The following CTIF variants were observed in gnomAD, a reference collection of about 807,000 sequenced individuals.
The protein encoded by CTIF is CBP80/20-dependent translation initiation factor.
Under a neutral mutation model 66.0 loss-of-function variants are expected in CTIF, and 21 were observed. The observed-to-expected ratio is 0.32, with a 90% CI of 0.23 to 0.46. CTIF has a LOEUF of 0.46. CTIF is among the 20% of genes least tolerant of loss of function. The pLI is 1.00. For missense variants in CTIF, 739 were observed against 812.7 expected, an observed-to-expected ratio of 0.91 and a Z score of 1.10; for synonymous variants, 345 against 326.4, an observed-to-expected ratio of 1.06 and a Z score of -0.62.
chr18:48,636,398 T>G (rs1200785516), intron 2 of CTIF, among the ~76,000 whole-genome samples: 1 of 152,240 alleles, frequency 6.6e-6, no homozygotes, highest in African/African-American at 2.4e-5. Flanking sequence ...GAAGTGAGTT[T>G]GCCTCCCCCA....
At chr18:48,799,392 G>A (rs918770816) in intron 9 of CTIF, among the ~76,000 whole-genome samples, 1 of 152,096 alleles carries the variant, frequency 6.6e-6, no homozygotes, top group Non-Finnish European at 1.5e-5. Flanking sequence ...TGGATTTCTG[G>A]TCTTTCACTA....
At chr18:48,660,383 A>G (rs1369464249) in intron 3 of CTIF, among the ~76,000 whole-genome samples, 1 of 152,266 alleles carries the variant, frequency 6.6e-6, no homozygotes, top group South Asian at 2.1e-4. Flanking sequence ...CCCAACATGG[A>G]GATGGCAGCA....
At chr18:48,799,500 C>T (rs1400796158) in intron 9 of CTIF, among the ~76,000 whole-genome samples, 2 of 152,094 alleles carry the variant, frequency 1.3e-5, no homozygotes, top group Non-Finnish European at 2.9e-5. Flanking sequence ...TCTGGGGACA[C>T]TGGCATGGGA....
chr18:48,577,165 G>A (rs1318354821), intron 1 of CTIF, among the ~76,000 whole-genome samples: 6 of 152,242 alleles, frequency 3.9e-5, no homozygotes, highest in Non-Finnish European at 4.4e-5. Flanking sequence ...CACCTGAGGC[G>A]GGGAGTTTGG....
intron 3 of CTIF, among the ~76,000 whole-genome samples, chr18:48,660,059 G>A (rs934807323): frequency 1.3e-5 from 2 of 148,810 alleles, no homozygotes; most frequent in African/African-American, 2.5e-5. Flanking sequence ...TTGCCACCGT[G>A]ACTCCACCAC....
At chr18:48,639,236 G>A (rs1382559458) in intron 3 of CTIF, among the ~76,000 whole-genome samples, 1 of 152,218 alleles carries the variant, frequency 6.6e-6, no homozygotes, top group African/African-American at 2.4e-5. Flanking sequence ...TACAGCCACG[G>A]AAACCTCTGA....
At chr18:48,710,281 C>G (rs1040725593) in intron 6 of CTIF, among the ~76,000 whole-genome samples, 6 of 152,182 alleles carry the variant, frequency 3.9e-5, no homozygotes, top group Non-Finnish European at 8.8e-5. Context: ...CAGAATAGAC[C>G]CCCTCTGACT....
intron 7 of CTIF, among the ~76,000 whole-genome samples, chr18:48,716,040 G>C (rs537285321): frequency 1.3e-5 from 2 of 152,340 alleles, no homozygotes; most frequent in South Asian, 4.1e-4. Context: ...TGTCCTAGGG[G>C]TTGGCAGCTG....
chr18:48,637,746 GAC>G (rs2090850399), intron 3 of CTIF, among the ~76,000 whole-genome samples: 2 of 152,136 alleles, frequency 1.3e-5, no homozygotes, highest in South Asian at 4.2e-4. Flanking sequence ...TCTTTCACGT[GAC>G]AAAATGTGCT....
chr18:48,650,252 T>C (rs986869031), intron 3 of CTIF, among the ~76,000 whole-genome samples: 12 of 152,172 alleles, frequency 7.9e-5, no homozygotes, highest in Non-Finnish European at 1.8e-4. Flanking sequence ...GACAAATGGC[T>C]AACTAGAATA....
At chr18:48,830,467 G>C (rs1042099862) in intron 10 of CTIF, among the ~76,000 whole-genome samples, 1 of 152,142 alleles carries the variant, frequency 6.6e-6, no homozygotes, top group African/African-American at 2.4e-5. Flanking sequence ...CACCGCGCCC[G>C]GCCAGATTTG....
chr18:48,673,689 A>G (rs1180321294), intron 6 of CTIF: 1 of 152,196 alleles, frequency 6.6e-6, no homozygotes, highest in Non-Finnish European at 1.5e-5. Flanking sequence ...GGCACAGGCA[A>G]AGAGAGCTGG....
intron 9 of CTIF, among the ~76,000 whole-genome samples, chr18:48,771,812 GC>G (rs1248695607): frequency 6.6e-6 from 1 of 152,222 alleles, no homozygotes; most frequent in East Asian, 1.9e-4. Flanking sequence ...TGAGCGGCCG[GC>G]CCCCAGCCGC....
At position 48,677,734 on chromosome 18, in the gene CTIF, C is replaced by T. The variant is rs765885487; in HGVS notation, c.507+6990C>T. On this transcript the variant is annotated intron_variant, in intron 6 of 11. Coordinates refer to ENST00000256413, the MANE Select transcript of CTIF (RefSeq NM_014772.3). ...TCGCATGTTTGCTTTATTTCTTTTG[C>T]GTCTGTATTCTCCCAGTGGAGTGTA... Among the ~76,000 whole-genome samples, 3 of 152,226 alleles carry T rather than the reference C, an allele frequency of 2.0e-5. No individual in the cohort carries two copies. The South Asian group carries it at 6.2e-4, about 32-fold the overall frequency.
chr18:48,640,915 G>A (rs1336246039), intron 3 of CTIF, among the ~76,000 whole-genome samples: 4 of 152,210 alleles, frequency 2.6e-5, no homozygotes, highest in African/African-American at 7.2e-5. Context: ...AAGAGATTGG[G>A]TCCCACGAGA....
chr18:48,761,124 C>T lies in CTIF; in HGVS notation c.1072-266C>T, dbSNP rs1002298265. On this transcript the variant is annotated intron_variant, in intron 8 of 11. Transcript: ENST00000256413. The surrounding 1 kb of genome is among the most constrained non-coding windows in gnomAD (Gnocchi z 4.2). ...TGATGGACAAATAAACAAAAAAAGC[C>T]AATGTATATGAGAATCCTGGGTAGG... is the stretch of plus-strand genomic sequence containing the variant. The T allele has an allele frequency of 8.3e-6, 3 of 362,156 alleles. No individual in the cohort carries two copies. The highest frequency in any genetic ancestry group is 1.5e-5 in the Non-Finnish European group (3 of 203,412). The allele number at this position is 362,156 out of a possible 1,614,324, so 22.4% of individuals were successfully genotyped here.
At chr18:48,743,338 C>T (rs905423974) in intron 7 of CTIF, among the ~76,000 whole-genome samples, 2 of 152,238 alleles carry the variant, frequency 1.3e-5, no homozygotes, top group African/African-American at 4.8e-5. Context: ...ACTCTCGGGT[C>T]TCAGCATTTA....
intron 9 of CTIF, among the ~76,000 whole-genome samples, chr18:48,762,724 G>C (rs1909129150): frequency 6.6e-6 from 1 of 152,352 alleles, no homozygotes; most frequent in South Asian, 2.1e-4. Context: ...GAAAGTCAAA[G>C]GGGGTTCAGT....
At chr18:48,660,427 A>C (rs1598821034) in intron 3 of CTIF, among the ~76,000 whole-genome samples, 1 of 152,230 alleles carries the variant, frequency 6.6e-6, no homozygotes, top group East Asian at 1.9e-4. Flanking sequence ...GATGCACGGA[A>C]GGGTGGGCTT....
Sources: gnomAD v4.1 joint callset for allele counts (sites outside exome capture counted in the v4.1 genomes callset) on GRCh38, gnomAD v4.1.1 for gene constraint, Gnocchi (gnomAD v3.1) non-coding constraint, MANE v1.5 for transcripts, NCBI Gene and HGNC (gene_info 2026-07-23, HGNC 2026-07-21) for gene names.